Variants in NPAS3 observed in about 807,000 individuals in gnomAD.
NPAS3 encodes the protein neuronal PAS domain protein 3.
Under a neutral mutation model 73.1 loss-of-function variants are expected in NPAS3, and 14 were observed. The ratio of observed to expected loss-of-function variants is 0.19; its 90% CI spans 0.13 to 0.30. NPAS3 has a LOEUF of 0.30. Ranked by LOEUF, NPAS3 falls within the 10% of genes least tolerant of loss-of-function variation. The probability of loss-of-function intolerance (pLI) is 1.00; values close to 1 mark genes in which losing one functional copy is unlikely to be tolerated. For missense variants in NPAS3, 1,096 were observed against 1,250.0 expected (o/e 0.88, Z 1.86); for synonymous variants, 620 against 541.5 (o/e 1.14, Z -2.01).
At chr14:33,160,878 ACT>A (rs2044853793) in intron 2 of NPAS3, among the ~76,000 whole-genome samples, 1 of 152,098 alleles carries the variant, frequency 6.6e-6, no homozygotes, top group Admixed American at 6.6e-5. Flanking sequence ...CAAATGAAAA[ACT>A]CTGAGTTTCT....
intron 5 of NPAS3, among the ~76,000 whole-genome samples, chr14:33,661,052 T>C (rs1208168307): frequency 7.5e-6 from 1 of 134,114 alleles, no homozygotes; most frequent in Non-Finnish European, 1.6e-5. Flanking sequence ...GATGGCAAAA[T>C]AATTTTTTTT....
intron 4 of NPAS3, among the ~76,000 whole-genome samples, chr14:33,447,353 A>G (rs1052415331): frequency 2.6e-5 from 4 of 152,170 alleles, no homozygotes; most frequent in African/African-American, 9.7e-5. Flanking sequence ...TGTGTGTGCT[A>G]TGAGAGTGTG....
intron 10 of NPAS3, among the ~76,000 whole-genome samples, chr14:33,796,757 AC>A (rs1224328686): frequency 6.6e-6 from 1 of 152,214 alleles, no homozygotes; most frequent in African/African-American, 2.4e-5. Context: ...TAAAAATAGA[AC>A]AAAAATTAAG....
intron 1 of NPAS3, among the ~76,000 whole-genome samples, chr14:32,967,167 C>T (rs2037209188): frequency 6.6e-6 from 1 of 152,106 alleles, no homozygotes. Context: ...CCTCCTCAGC[C>T]TACTCAATGA....
intron 1 of NPAS3, among the ~76,000 whole-genome samples, chr14:32,979,831 C>T (rs1171617231): frequency 6.6e-6 from 1 of 151,946 alleles, no homozygotes; most frequent in Non-Finnish European, 1.5e-5. Flanking sequence ...ACCACTTGGC[C>T]AAAGTTTGAA....
At chr14:33,046,155 T>A (rs1015107603) in intron 1 of NPAS3, among the ~76,000 whole-genome samples, 1 of 152,166 alleles carries the variant, frequency 6.6e-6, no homozygotes, top group Non-Finnish European at 1.5e-5. Context: ...TATATGTGGG[T>A]CTGCCAGGGA....
chr14:33,310,234 G>A (rs952105391), intron 3 of NPAS3, among the ~76,000 whole-genome samples: 2 of 152,054 alleles, frequency 1.3e-5, no homozygotes, highest in Non-Finnish European at 2.9e-5. Flanking sequence ...ATAGCCTGTG[G>A]ATTTCTAAAG....
intron 4 of NPAS3, among the ~76,000 whole-genome samples, chr14:33,480,155 G>A (rs1312773291): frequency 6.6e-6 from 1 of 152,104 alleles, no homozygotes; most frequent in Non-Finnish European, 1.5e-5. Context: ...GAGAGATGTC[G>A]CTGGGATAGA....
At chr14:33,037,862 T>G (rs1039978386) in intron 1 of NPAS3, among the ~76,000 whole-genome samples, 42 of 152,218 alleles carry the variant, frequency 2.8e-4, no homozygotes, top group African/African-American at 8.7e-4. Context: ...ATTGATGTTC[T>G]TCCCAATAAC....
At chr14:33,728,934 A>G (rs544618681) in intron 6 of NPAS3, among the ~76,000 whole-genome samples, 9 of 152,170 alleles carry the variant, frequency 5.9e-5, no homozygotes, top group Non-Finnish European at 1.3e-4. Context: ...TGTGTGAGAG[A>G]GTGACAGGGA....
chr14:33,635,970 G>A (rs1232576385), intron 5 of NPAS3, among the ~76,000 whole-genome samples: 1 of 152,096 alleles, frequency 6.6e-6, no homozygotes, highest in African/African-American at 2.4e-5. Flanking sequence ...TTAAGACGGA[G>A]TTTTGCTCTT....
chr14:33,453,972 G>T (rs535612718), intron 4 of NPAS3, among the ~76,000 whole-genome samples: 1 of 152,302 alleles, frequency 6.6e-6, no homozygotes, highest in East Asian at 1.9e-4. Flanking sequence ...ACACAGGCGT[G>T]AGCCACCATG....
intron 4 of NPAS3, among the ~76,000 whole-genome samples, chr14:33,484,921 C>G (rs145102874): frequency 6.6e-6 from 1 of 152,082 alleles, no homozygotes; most frequent in African/African-American, 2.4e-5. Flanking sequence ...GTTCCCCTGA[C>G]GCATCACAGA....
At chr14:33,577,458 A>G (rs2056483282) in intron 5 of NPAS3, among the ~76,000 whole-genome samples, 1 of 152,170 alleles carries the variant, frequency 6.6e-6, no homozygotes, top group Non-Finnish European at 1.5e-5. Context: ...GAGGTTTCAG[A>G]GCACGTTCCT....
At chr14:33,279,950 T>C (rs1296713151) in intron 3 of NPAS3, among the ~76,000 whole-genome samples, 2 of 152,114 alleles carry the variant, frequency 1.3e-5, no homozygotes, top group Admixed American at 6.6e-5. Context: ...CAAAGATAGA[T>C]TGCAAATGAA....
intron 1 of NPAS3, among the ~76,000 whole-genome samples, chr14:32,965,567 T>C (rs2037117483): frequency 6.6e-6 from 1 of 152,062 alleles, no homozygotes; most frequent in Non-Finnish European, 1.5e-5. Context: ...CTCAACACAA[T>C]AAGGACCAGA....
intron 3 of NPAS3, among the ~76,000 whole-genome samples, chr14:33,255,973 T>C (rs2048765996): frequency 6.6e-6 from 1 of 152,162 alleles, no homozygotes; most frequent in South Asian, 2.1e-4. Flanking sequence ...AAATTATTTG[T>C]TTATGTAAAT....
chr14:32,996,811 G>C (rs1471367735), intron 1 of NPAS3, among the ~76,000 whole-genome samples: 1 of 152,216 alleles, frequency 6.6e-6, no homozygotes, highest in East Asian at 1.9e-4. Context: ...TAGGGCAGTG[G>C]GTATGGGAAA....
chr14:33,005,334 T>C (rs746077155), intron 1 of NPAS3, among the ~76,000 whole-genome samples: 28 of 152,152 alleles, frequency 1.8e-4, no homozygotes, highest in Non-Finnish European at 4.0e-4. Flanking sequence ...ACCACTTACA[T>C]ATATGTGTTC....
Sources: allele counts gnomAD v4.1 joint callset (sites outside exome capture counted in the v4.1 genomes callset), GRCh38; gene constraint gnomAD v4.1.1; transcripts MANE v1.5; gene names NCBI Gene and HGNC (gene_info 2026-07-23, HGNC 2026-07-21).